The following CDH13 variants were observed in gnomAD, a reference collection of about 807,000 sequenced individuals.
CDH13 encodes cadherin 13.
Under a neutral mutation model 63.8 loss-of-function variants are expected in CDH13, and 24 were observed. The observed-to-expected ratio is 0.38, with a 90% CI of 0.27 to 0.53. The LOEUF is 0.53. Among genes scored for constraint, CDH13 ranks in the 20% least tolerant of loss-of-function variants. The probability of loss-of-function intolerance (pLI) is 0.85; values close to 1 mark genes in which losing one functional copy is unlikely to be tolerated. For missense variants in CDH13, 1,049 were observed against 903.1 expected (o/e 1.16, Z -2.07); for synonymous variants, 503 against 355.3 (o/e 1.42, Z -4.67).
chr16:83,687,301 T>C (rs1386085661), intron 10 of CDH13, among the ~76,000 whole-genome samples: 6 of 152,148 alleles, frequency 3.9e-5, no homozygotes, highest in African/African-American at 1.4e-4. Context: ...ATAAAGAAAA[T>C]GATTTAATTG....
chr16:83,371,272 T>C (rs1036032511), intron 6 of CDH13, among the ~76,000 whole-genome samples: 8 of 152,222 alleles, frequency 5.3e-5, no homozygotes, highest in Non-Finnish European at 1.0e-4. Flanking sequence ...CCTTTCTTTT[T>C]AAATCATTAC....
chr16:83,421,498 C>T (rs557313682), intron 6 of CDH13, among the ~76,000 whole-genome samples: 14 of 152,224 alleles, frequency 9.2e-5, no homozygotes, highest in African/African-American at 1.9e-4. Context: ...GGTTGCAAGA[C>T]GGCTGATGCA....
intron 5 of CDH13, among the ~76,000 whole-genome samples, chr16:83,329,218 T>G (rs767810814): frequency 4.2e-4 from 64 of 152,130 alleles, no homozygotes; most frequent in Non-Finnish European, 8.5e-4. Context: ...ATTAAAGGGT[T>G]TCTTGTTTTG....
intron 5 of CDH13, among the ~76,000 whole-genome samples, chr16:83,255,312 C>G (rs1358320369): frequency 6.6e-6 from 1 of 152,176 alleles, no homozygotes; most frequent in Non-Finnish European, 1.5e-5. Flanking sequence ...GCCTCCTGCT[C>G]CATCCTCCAG....
At chr16:82,861,822 C>T (rs914535119) in intron 2 of CDH13, among the ~76,000 whole-genome samples, 1 of 152,164 alleles carries the variant, frequency 6.6e-6, no homozygotes, top group Non-Finnish European at 1.5e-5. Flanking sequence ...CAAAACATAG[C>T]ATTCAGCTAT....
At chr16:83,428,981 C>A (rs954996904) in intron 6 of CDH13, among the ~76,000 whole-genome samples, 2 of 152,222 alleles carry the variant, frequency 1.3e-5, no homozygotes, top group Non-Finnish European at 2.9e-5. Flanking sequence ...TCAAGGGGCA[C>A]AAATATCTTC....
At chr16:83,111,332 T>C (rs1236520655) in intron 3 of CDH13, among the ~76,000 whole-genome samples, 3 of 152,114 alleles carry the variant, frequency 2.0e-5, no homozygotes, top group Non-Finnish European at 4.4e-5. Context: ...AGTGAGAATC[T>C]AGAGAGAAAA....
At chr16:83,128,133 C>T (rs2035892187) in intron 4 of CDH13, among the ~76,000 whole-genome samples, 1 of 152,210 alleles carries the variant, frequency 6.6e-6, no homozygotes, top group Non-Finnish European at 1.5e-5. Flanking sequence ...TCAGCAGAGA[C>T]ACTTAAAATG....
At chr16:83,688,703 T>C (rs1904552631) in intron 10 of CDH13, among the ~76,000 whole-genome samples, 2 of 152,226 alleles carry the variant, frequency 1.3e-5, no homozygotes, top group Admixed American at 6.5e-5. Flanking sequence ...CAGTGGTGTC[T>C]TTGTAATTTT....
At chr16:83,678,906 C>T (rs1028917128) in intron 10 of CDH13, among the ~76,000 whole-genome samples, 1 of 152,166 alleles carries the variant, frequency 6.6e-6, no homozygotes, top group Non-Finnish European at 1.5e-5. Flanking sequence ...TCGGTACTTG[C>T]TCAAGCAGCC....
intron 7 of CDH13, among the ~76,000 whole-genome samples, chr16:83,558,699 T>C (rs1362097695): frequency 6.6e-6 from 1 of 152,218 alleles, no homozygotes; most frequent in Non-Finnish European, 1.5e-5. Flanking sequence ...ATTAATTTAG[T>C]TGACATCATT....
intron 1 of CDH13, among the ~76,000 whole-genome samples, chr16:82,752,788 A>G (rs1453552903): frequency 1.3e-5 from 2 of 151,966 alleles, no homozygotes; most frequent in Non-Finnish European, 2.9e-5. Flanking sequence ...GCCTATTTTC[A>G]TGATATCAAT....
intron 6 of CDH13, among the ~76,000 whole-genome samples, chr16:83,405,256 A>G (rs7500449): frequency 6.6e-6 from 1 of 152,232 alleles, no homozygotes; most frequent in Admixed American, 6.5e-5. Context: ...AAAAAAGCTT[A>G]TCCCCCATCC....
intron 7 of CDH13, among the ~76,000 whole-genome samples, chr16:83,534,052 A>G (rs1222823282): frequency 2.0e-5 from 3 of 152,214 alleles, no homozygotes; most frequent in African/African-American, 7.2e-5. Context: ...ACAGTGTTGT[A>G]TAAGGCACCA....
At chr16:82,794,858 A>T (rs973030823) in intron 1 of CDH13, among the ~76,000 whole-genome samples, 5 of 152,172 alleles carry the variant, frequency 3.3e-5, no homozygotes, top group African/African-American at 9.7e-5. Context: ...CTCACAGAAC[A>T]TATAAACCCC....
At position 82,649,551 on chromosome 16, in the gene CDH13, A is replaced by C. The variant is rs145637777; in HGVS notation, c.45+22414A>C. On this transcript the variant is annotated intron_variant, in intron 1 of 13. Transcript: ENST00000567109. ...TAAATAATGGAAAGTGGGCTTAAGCAGCATGGGGGACTGAAGGGCCAGGAC... is the reference window on the plus strand; with the variant it reads ...TAAATAATGGAAAGTGGGCTTAAGCCGCATGGGGGACTGAAGGGCCAGGAC... Among the ~76,000 whole-genome samples, 20 of 152,294 alleles carry C rather than the reference A, an allele frequency of 1.3e-4. No individual in the cohort carries two copies. In the East Asian group the frequency reaches 3.9e-3, roughly 29 times the overall value.
At chr16:83,307,661 G>A (rs765403303) in intron 5 of CDH13, among the ~76,000 whole-genome samples, 6 of 152,180 alleles carry the variant, frequency 3.9e-5, no homozygotes, top group Non-Finnish European at 8.8e-5. Flanking sequence ...ACAGGGGCAT[G>A]ATTTAGCTAT....
intron 6 of CDH13, among the ~76,000 whole-genome samples, chr16:83,466,465 A>G (rs1408973010): frequency 6.6e-6 from 1 of 152,230 alleles, no homozygotes; most frequent in Non-Finnish European, 1.5e-5. Flanking sequence ...AGCAGGCTAG[A>G]TGACATAAGC....
chr16:83,502,837 A>G (rs2074312251), intron 7 of CDH13, among the ~76,000 whole-genome samples: 2 of 152,346 alleles, frequency 1.3e-5, no homozygotes, highest in South Asian at 4.1e-4. Context: ...TAACAGAGGC[A>G]CAGTCCACTT....
Sources: gnomAD v4.1 joint callset for allele counts (sites outside exome capture counted in the v4.1 genomes callset) on GRCh38, gnomAD v4.1.1 for gene constraint, MANE v1.5 for transcripts, NCBI Gene and HGNC (gene_info 2026-07-23, HGNC 2026-07-21) for gene names.